Variants in UFD1 observed in about 807,000 individuals in gnomAD.
The protein encoded by UFD1 is ubiquitin recognition factor in ER associated degradation 1.
In UFD1, 13 loss-of-function variants were observed where a neutral mutation model predicts 45.9. The observed-to-expected ratio is 0.28, with a 90% CI of 0.18 to 0.45. The LOEUF (loss-of-function observed/expected upper bound fraction) is 0.45, where lower values mean the gene tolerates loss of function less well. Ranked by LOEUF, UFD1 falls within the 20% of genes least tolerant of loss-of-function variation. The pLI is 1.00. For synonymous variants in UFD1, 128 were observed against 139.2 expected (o/e 0.92, Z 0.56); for missense variants, 218 against 389.2 (o/e 0.56, Z 3.70).
At chr22:19,451,660 T>C in intron 11 of UFD1, 4 of 985,496 alleles carry the variant, frequency 4.1e-6, no homozygotes, top group Non-Finnish European at 4.8e-6. Flanking sequence ...CTGTAGCATG[T>C]TATACCTGCA....
chr22:19,460,422 G>C (rs1387202327), intron 6 of UFD1, among the ~76,000 whole-genome samples: 1 of 152,142 alleles, frequency 6.6e-6, no homozygotes, highest in African/African-American at 2.4e-5. Context: ...CATTTAGTAA[G>C]GATAAATATT....
chr22:19,471,892 C>A (rs1330589061), intron 3 of UFD1, 84 bp from the exon 4 acceptor site: 1 of 1,539,548 alleles, frequency 6.5e-7, no homozygotes, highest in African/African-American at 1.4e-5. Context: ...AAGGAGCCTC[C>A]CCACAATCCT....
At position 19,456,607 on chromosome 22, in the gene UFD1, C is replaced by T; in HGVS notation, c.658G>A (p.Ala220Thr). ...CTCACGCGGAAGCCCAGCTCTCCAG[C>T]ATAGCCACTGTGGTCGGCTTCACCT... ...TEGEADHSGY[A>T]GELGFRAFSG... Residue 220 changes from alanine to threonine, a missense_variant, in exon 9 of 12, where the codon GCT becomes ACT. Physicochemically the swap from Ala to Thr is moderately conservative, Grantham distance 58. Transcript: ENST00000263202. 2 of 1,614,208 alleles carry T rather than the reference C, an allele frequency of 1.2e-6. No homozygotes were observed. The highest frequency in any genetic ancestry group is 1.7e-6 in the Non-Finnish European group (2 of 1,180,044).
intron 6 of UFD1, 109 bp downstream of exon 6, chr22:19,465,092 TA>T: frequency 1.0e-6 from 1 of 995,924 alleles, no homozygotes; most frequent in Non-Finnish European, 1.6e-6. Context: ...AGGCAGTAAT[TA>T]GGTGATAAGA....
At chr22:19,459,211 A>C (rs2089746198) in intron 6 of UFD1, among the ~76,000 whole-genome samples, 1 of 152,234 alleles carries the variant, frequency 6.6e-6, no homozygotes, top group Admixed American at 6.5e-5. Context: ...ATGTAAATTT[A>C]CAGTTATACA....
At chr22:19,464,067 T>C (rs1182528124) in intron 6 of UFD1, among the ~76,000 whole-genome samples, 1 of 152,224 alleles carries the variant, frequency 6.6e-6, no homozygotes, top group Non-Finnish European at 1.5e-5. Context: ...CAAGATTATT[T>C]CTTAGTTTAT....
At chr22:19,473,203 C>G (rs1414965767) in intron 3 of UFD1, among the ~76,000 whole-genome samples, 1 of 152,212 alleles carries the variant, frequency 6.6e-6, no homozygotes. Flanking sequence ...AGCCAAGGGT[C>G]TGAGATTGTT....
chr22:19,472,387 T>C lies in UFD1; in HGVS notation c.170-579A>G, dbSNP rs555389206. ...AGGCTGGGGACAGGTGTGCGAGTGGTTGGGAAGGGGAGGGGCACCACACGG... is the reference window on the plus strand; with the variant it reads ...AGGCTGGGGACAGGTGTGCGAGTGGCTGGGAAGGGGAGGGGCACCACACGG... On this transcript the variant is annotated intron_variant, in intron 3 of 11. Coordinates refer to ENST00000263202, the MANE Select transcript of UFD1 (RefSeq NM_005659.7). Among the ~76,000 whole-genome samples, 34 of 151,948 alleles carry C rather than the reference T, an allele frequency of 2.2e-4. 1 individual carries two copies. The highest frequency in any genetic ancestry group is 8.0e-4 in the African/African-American group (33 of 41,414).
At chr22:19,461,301 GT>G (rs2089764511) in intron 6 of UFD1, among the ~76,000 whole-genome samples, 1 of 152,166 alleles carries the variant, frequency 6.6e-6, no homozygotes. Flanking sequence ...AACTCAATTT[GT>G]TTTTTCATCT....
At chr22:19,471,921 C>A in intron 3 of UFD1, 113 bp from the exon 4 acceptor site, 1 of 1,431,866 alleles carries the variant, frequency 7.0e-7, no homozygotes, top group Non-Finnish European at 9.4e-7. Context: ...CCCCACACTC[C>A]TCTGGCAGAT....
intron 6 of UFD1, among the ~76,000 whole-genome samples, 200 bp from the exon 7 acceptor site, chr22:19,458,339 G>A (rs2089739525): frequency 6.6e-6 from 1 of 152,222 alleles, no homozygotes; most frequent in Non-Finnish European, 1.5e-5. Context: ...AAGAGATGCT[G>A]TTCCCCAGAT....
chr22:19,455,167 A>G (rs1238790994), intron 10 of UFD1, among the ~76,000 whole-genome samples: 1 of 152,052 alleles, frequency 6.6e-6, no homozygotes, highest in East Asian at 1.9e-4. Flanking sequence ...TCACACACAC[A>G]ACAGACAACT....
intron 10 of UFD1, among the ~76,000 whole-genome samples, chr22:19,455,447 TG>T (rs1248442197): frequency 6.6e-6 from 1 of 152,008 alleles, no homozygotes; most frequent in Non-Finnish European, 1.5e-5. Flanking sequence ...GAGGCTGAAT[TG>T]GGGGTATGGA....
At chr22:19,468,810 C>T (rs931512320) in intron 4 of UFD1, among the ~76,000 whole-genome samples, 2 of 152,200 alleles carry the variant, frequency 1.3e-5, no homozygotes, top group Non-Finnish European at 2.9e-5. Context: ...CAGTCCCAAG[C>T]CACATTAGAT....
intron 11 of UFD1, chr22:19,451,023 C>G: frequency 3.2e-5 from 35 of 1,078,428 alleles, no homozygotes; most frequent in Non-Finnish European, 4.0e-5. Flanking sequence ...ACTTGGGAGG[C>G]TGAGACGGGA....
chr22:19,474,899 G>C (rs959617325), intron 3 of UFD1, among the ~76,000 whole-genome samples, 169 bp downstream of exon 3: 3 of 152,168 alleles, frequency 2.0e-5, no homozygotes, highest in African/African-American at 7.2e-5. Flanking sequence ...CCTCGCCCTA[G>C]GTACCTGTGA....
intron 9 of UFD1, 119 bp from the exon 10 acceptor site, chr22:19,455,887 A>C: frequency 1.2e-6 from 1 of 860,010 alleles, no homozygotes; most frequent in Non-Finnish European, 1.9e-6. Flanking sequence ...TTCAGGACTG[A>C]AGCCCTGACT....
intron 6 of UFD1, among the ~76,000 whole-genome samples, chr22:19,463,458 T>C (rs776145262): frequency 7.9e-5 from 12 of 152,254 alleles, no homozygotes; most frequent in Non-Finnish European, 1.5e-4. Context: ...TATCTAGAAA[T>C]TCTAATGCTG....
At position 19,475,585 on chromosome 22, in the gene UFD1, G is replaced by A. The variant is rs181258728; in HGVS notation, c.21C>T (p.Phe7=). The A allele has an allele frequency of 3.1e-5, 50 of 1,614,122 alleles. No homozygotes were observed. In the East Asian group the frequency reaches 5.3e-4, roughly 17 times the overall value. Residue 7 remains phenylalanine, a synonymous_variant, in exon 2 of 12, where the codon TTC becomes TTT. Coordinates refer to ENST00000263202, the MANE Select transcript of UFD1 (RefSeq NM_005659.7). MFSFNM[F]DHPIPRVFQN... is the part of the protein sequence containing the mutation. ...GGAAGACCCTGGGAATAGGGTGGTC[G>A]AACATGTTGAAAGAGAACTAGAAGG...
Sources: allele counts gnomAD v4.1 joint callset (sites outside exome capture counted in the v4.1 genomes callset), GRCh38; gene constraint gnomAD v4.1.1; transcripts MANE v1.5; gene names NCBI Gene and HGNC (gene_info 2026-07-23, HGNC 2026-07-21).